The following CMSS1 variants were observed in gnomAD, a reference collection of about 807,000 sequenced individuals.
CMSS1 encodes cms1 ribosomal small subunit homolog.
A neutral mutation model predicts 43.5 loss-of-function variants in CMSS1; 33 were observed. The observed-to-expected ratio is 0.76, with a 90% confidence interval of 0.57 to 1.01. CMSS1 has a LOEUF of 1.01. Among genes scored for constraint, CMSS1 ranks in the 50% least tolerant of loss-of-function variants. The pLI is 0.00. For synonymous variants in CMSS1, 115 were observed against 117.2 expected (o/e 0.98, Z 0.12); for missense variants, 313 against 326.4 (o/e 0.96, Z 0.32).
intron 1 of CMSS1, among the ~76,000 whole-genome samples, chr3:100,024,065 G>A (rs1484025480): frequency 6.6e-6 from 1 of 152,112 alleles, no homozygotes; most frequent in Non-Finnish European, 1.5e-5. Context: ...TAGTGTCTGT[G>A]TGTCCCTTCC....
chr3:99,975,987 C>T lies in CMSS1; in HGVS notation c.64+157944C>T, dbSNP rs149965175. 2.2e-3 allele frequency among the ~76,000 whole-genome samples: 329 copies of T among 152,240 alleles called. 3 individuals carry two copies. Among genetic ancestry groups the T allele is most frequent in the African/African-American group, 7.3e-3 (302 of 41,550 alleles). ...GCAACCTCCGCCTCCTGGGTTCAAG[C>T]GATTCTCCTGCCTCAGCCTCCCAAG... On this transcript the variant is annotated intron_variant, in intron 1 of 9. Coordinates refer to ENST00000421999, the MANE Select transcript of CMSS1 (RefSeq NM_032359.4).
chr3:100,134,053 T>C (rs1007498107), intron 1 of CMSS1, among the ~76,000 whole-genome samples: 13 of 152,192 alleles, frequency 8.5e-5, no homozygotes, highest in African/African-American at 3.1e-4. Context: ...ACACTTCTCT[T>C]CCTTGGGGTT....
intron 1 of CMSS1, among the ~76,000 whole-genome samples, chr3:99,996,608 T>A (rs1709690750): frequency 6.6e-6 from 1 of 151,514 alleles, no homozygotes; most frequent in African/African-American, 2.4e-5. Flanking sequence ...GAAAAAGAGG[T>A]TTAATTGGAC....
rs139188174 is a variant in CMSS1 at position 99,840,536 on chromosome 3, T to C, written c.64+22493T>C. The stretch of plus-strand genomic sequence containing the variant: ...CATGCCCAGCCAATTCATAGAATCT[T>C]AGAGAAGGAAACATCTAGTAGTTTT... On this transcript the variant is annotated intron_variant, in intron 1 of 9. Transcript: ENST00000421999. Among the ~76,000 whole-genome samples, 1,103 of 152,286 alleles carry C rather than the reference T, an allele frequency of 7.2e-3. 19 individuals carry two copies. The highest frequency in any genetic ancestry group is 0.024 in the African/African-American group (1,016 of 41,552).
intron 1 of CMSS1, among the ~76,000 whole-genome samples, chr3:99,924,956 G>A (rs562729630): frequency 6.6e-6 from 1 of 152,164 alleles, no homozygotes; most frequent in East Asian, 1.9e-4. Flanking sequence ...GTCCCTGTGG[G>A]TATCAACTGT....
intron 1 of CMSS1, among the ~76,000 whole-genome samples, chr3:100,103,985 A>G (rs1483366026): frequency 6.6e-6 from 1 of 152,214 alleles, no homozygotes; most frequent in African/African-American, 2.4e-5. Flanking sequence ...GTTTTCAGTT[A>G]GTAGAAGCGT....
intron 1 of CMSS1, among the ~76,000 whole-genome samples, chr3:99,879,866 A>G (rs1457593659): frequency 3.9e-5 from 6 of 152,174 alleles, no homozygotes; most frequent in African/African-American, 1.4e-4. Context: ...CAGAGTGGGA[A>G]CAGACCCAGG....
At chr3:100,093,597 A>G (rs1055682804) in intron 1 of CMSS1, among the ~76,000 whole-genome samples, 5 of 152,172 alleles carry the variant, frequency 3.3e-5, no homozygotes, top group Admixed American at 2.6e-4. Flanking sequence ...ACAGAACTGT[A>G]GTGGAATGTC....
intron 1 of CMSS1, among the ~76,000 whole-genome samples, chr3:100,118,128 C>G (rs1576083823): frequency 6.6e-6 from 1 of 150,998 alleles, no homozygotes; most frequent in South Asian, 2.1e-4. Flanking sequence ...AGAATTTCAT[C>G]TGGGGATGAT....
At chr3:99,976,100 G>T (rs1708962633) in intron 1 of CMSS1, among the ~76,000 whole-genome samples, 1 of 152,020 alleles carries the variant, frequency 6.6e-6, no homozygotes, top group South Asian at 2.1e-4. Context: ...TTCCAGGCTG[G>T]TCTCGAACTT....
At chr3:99,850,461 C>G (rs1235481875) in intron 1 of CMSS1, 2 of 1,613,866 alleles carry the variant, frequency 1.2e-6, no homozygotes, top group Admixed American at 1.7e-5. Flanking sequence ...GTAACGTCTC[C>G]CTTTCAAGCC....
chr3:99,828,491 A>T (rs1286012503), intron 1 of CMSS1, among the ~76,000 whole-genome samples: 4 of 143,296 alleles, frequency 2.8e-5, no homozygotes, highest in African/African-American at 1.1e-4. Flanking sequence ...TTGCTCTGTC[A>T]GTCAGTCTGG....
intron 1 of CMSS1, among the ~76,000 whole-genome samples, chr3:100,090,570 CCTGG>C (rs1219156262): frequency 6.6e-6 from 1 of 152,188 alleles, no homozygotes; most frequent in East Asian, 1.9e-4. Flanking sequence ...CAATCCCCTG[CCTGG>C]GCTCTTTCTC....
chr3:99,893,859 A>G (rs1342420883), intron 1 of CMSS1, among the ~76,000 whole-genome samples: 1 of 152,188 alleles, frequency 6.6e-6, no homozygotes, highest in African/African-American at 2.4e-5. Context: ...CCCCAACCCA[A>G]GACGTTTTGA....
chr3:99,875,737 A>T, intron 1 of CMSS1, among the ~76,000 whole-genome samples: 1 of 152,152 alleles, frequency 6.6e-6, no homozygotes, highest in Admixed American at 6.5e-5. Flanking sequence ...CTGCAGTACA[A>T]TATAGTCTCC....
chr3:99,877,683 T>G (rs1168079055), intron 1 of CMSS1, among the ~76,000 whole-genome samples: 1 of 152,212 alleles, frequency 6.6e-6, no homozygotes, highest in Non-Finnish European at 1.5e-5. Context: ...GCCCTATACT[T>G]GTGAATTGCA....
chr3:99,961,968 G>T lies in CMSS1; in HGVS notation c.64+143925G>T, dbSNP rs949941906. Among the ~76,000 whole-genome samples the T allele has an allele frequency of 7.2e-5, 11 of 152,320 alleles. No individual in the cohort carries two copies. In the South Asian group the frequency reaches 1.2e-3, roughly 17 times the overall value. On this transcript the variant is annotated intron_variant, in intron 1 of 9. Transcript: ENST00000421999. ...GAACTTCTGATCTATTAATAGCAGA[G>T]TGGCAAGGGCTATTATAGGGGCCCC...
intron 1 of CMSS1, among the ~76,000 whole-genome samples, chr3:99,939,372 G>A (rs145374993): frequency 4.6e-5 from 7 of 152,332 alleles, no homozygotes; most frequent in East Asian, 1.9e-4. Flanking sequence ...TCTTGCCACA[G>A]TGTAGTCCTT....
chr3:99,884,567 A>C (rs1705832780), intron 1 of CMSS1, among the ~76,000 whole-genome samples: 1 of 152,182 alleles, frequency 6.6e-6, no homozygotes, highest in African/African-American at 2.4e-5. Context: ...CTGATGTCTC[A>C]AACTTCCTTC....
Sources: gnomAD v4.1 joint callset for allele counts (sites outside exome capture counted in the v4.1 genomes callset) on GRCh38, gnomAD v4.1.1 for gene constraint, MANE v1.5 for transcripts, NCBI Gene and HGNC (gene_info 2026-07-23, HGNC 2026-07-21) for gene names.